Variants in CRLS1 observed in about 807,000 individuals in gnomAD.
CRLS1 encodes cardiolipin synthase 1, also known as cardiolipin synthase (CMP-forming).
In CRLS1, 24 loss-of-function variants were observed where a neutral mutation model predicts 37.0. The observed-to-expected ratio is 0.65, with a 90% CI of 0.47 to 0.91. The LOEUF is 0.91. CRLS1 is among the 40% of genes least tolerant of loss of function. The pLI, the probability that CRLS1 is intolerant of heterozygous loss-of-function variation, is 0.00. For missense variants in CRLS1, 373 were observed against 395.8 expected (o/e 0.94, Z 0.49); for synonymous variants, 135 against 159.7 (o/e 0.85, Z 1.17).
intron 3 of CRLS1, among the ~76,000 whole-genome samples, chr20:6,030,455 G>A (rs1374244680): frequency 6.6e-6 from 1 of 152,162 alleles, no homozygotes; most frequent in Non-Finnish European, 1.5e-5. Context: ...GGGCACAATG[G>A]CTCATGCATG....
chr20:6,023,314 T>C (rs866395631), intron 3 of CRLS1: 3 of 152,234 alleles, frequency 2.0e-5, no homozygotes, highest in Non-Finnish European at 2.9e-5. Context: ...AAAAATAATT[T>C]GGAGGAATAT....
At chr20:6,005,986 C>T (rs540501997), upstream of CRLS1, 4 of 319,620 alleles carry the variant, frequency 1.3e-5, no homozygotes, top group African/African-American at 8.6e-5. Context: ...CCCACTGAGC[C>T]TGATGCGCGC....
rs764460411 is a variant in CRLS1 at position 6,009,796 on chromosome 20, C to G, written c.328C>G (p.Pro110Ala). ...PSLYENPWTI[P>A]NMLSMTRIGL... ...TCAGTATGAAAACCCATGGACAATC[C>G]CGAATATGTTGTCAATGACGAGAAT... The change falls in exon 2 of 7, where the codon CCG becomes GCG. Residue 110 changes from proline (P) to alanine (A), a missense_variant. Pro to Ala is a conservative substitution (Grantham distance 27, BLOSUM62 -1). Coordinates refer to ENST00000378863, the MANE Select transcript of CRLS1 (RefSeq NM_019095.6). 3.1e-6 allele frequency: 5 copies of G among 1,613,248 alleles called. No homozygotes were observed. Among genetic ancestry groups the G allele is most frequent in the South Asian group, 1.1e-5 (1 of 90,958 alleles).
chr20:6,022,182 C>T (rs879937583), intron 3 of CRLS1, among the ~76,000 whole-genome samples: 1 of 151,994 alleles, frequency 6.6e-6, no homozygotes, highest in African/African-American at 2.4e-5. Context: ...TTCTTTTTCT[C>T]TGAAAATGTT....
At position 6,035,347 on chromosome 20, in the gene CRLS1, G is replaced by A. The variant is rs946618032; in HGVS notation, c.821+792G>A. 7.2e-5 allele frequency among the ~76,000 whole-genome samples: 11 copies of A among 151,746 alleles called. No individual in the cohort carries two copies. In the East Asian group the frequency reaches 9.7e-4, roughly 13 times the overall value. On this transcript the variant is annotated intron_variant, in intron 6 of 6. Coordinates refer to ENST00000378863, the MANE Select transcript of CRLS1 (RefSeq NM_019095.6). ...CATCAGTGGGAGTTTTTTCTTTCTC[G>A]GATAAACTACATCCATAATACAAAC...
chr20:6,022,514 T>C (rs1979360723), intron 3 of CRLS1, among the ~76,000 whole-genome samples: 1 of 152,038 alleles, frequency 6.6e-6, no homozygotes. Flanking sequence ...CATTTTTATA[T>C]GGTTTTTAGA....
At chr20:6,009,946 T>C (rs371987186) in intron 2 of CRLS1, 34 bp downstream of exon 2, 97 of 1,605,522 alleles carry the variant, frequency 6.0e-5, no homozygotes, top group Non-Finnish European at 4.3e-6. Flanking sequence ...TTTGCTCTCC[T>C]TCCAAATCCT....
intron 3 of CRLS1, among the ~76,000 whole-genome samples, chr20:6,020,004 G>A (rs79911137): frequency 0.015 from 2,347 of 151,942 alleles, 19 homozygotes; most frequent in Middle Eastern, 0.054. Context: ...GATCAATTCT[G>A]TCTAGAAATA....
intron 5 of CRLS1, among the ~76,000 whole-genome samples, chr20:6,032,896 A>T (rs73072350): frequency 0.08 from 12,135 of 151,928 alleles, 754 homozygotes; most frequent in African/African-American, 0.17. Flanking sequence ...TTTCATCTAC[A>T]TGCATAGGGT....
Position 6,006,233 on chromosome 20 carries a change from G to A in CRLS1, c.-14G>A. ...CTCTCGCCGCCCGAGACCCCGCGGC[G>A]CGGCCGCAGGGCCATGCTAGCCTTG... is the stretch of plus-strand genomic sequence containing the variant. On this transcript the variant is annotated 5_prime_UTR_variant, in exon 1 of 7. Transcript: ENST00000378863. 8.2e-7 allele frequency: 1 copy of A among 1,219,212 alleles called. No individual in the cohort carries two copies. The highest frequency in any genetic ancestry group is 1.0e-6 in the Non-Finnish European group (1 of 979,232). 75.5% of individuals were successfully genotyped at this position (1,219,212 alleles called of 1,614,324 possible).
At chr20:6,031,877 T>C in intron 4 of CRLS1, 135 bp from the exon 5 acceptor site, 2 of 553,522 alleles carry the variant, frequency 3.6e-6, no homozygotes, top group Non-Finnish European at 6.3e-6. Context: ...TTAAAATCAA[T>C]ATTCAGTATA....
chr20:6,020,353 T>C (rs1157604254), intron 3 of CRLS1, among the ~76,000 whole-genome samples: 1 of 152,246 alleles, frequency 6.6e-6, no homozygotes, highest in East Asian at 1.9e-4. Context: ...ATTTCCATTA[T>C]TATTCTTTCA....
At position 6,006,331 on chromosome 20, in the gene CRLS1, C is replaced by A. The variant is rs964454807; in HGVS notation, c.85C>A (p.Arg29Ser). Reference protein sequence around the residue: ...WAPGTRPSKRRACWALLPPVP... With the variant: ...WAPGTRPSKRSACWALLPPVP... ...TCCGGGAACGCGGCCGAGTAAGCGA[C>A]GCGCCTGCTGGGCCCTGCTGCCGCC... is the stretch of plus-strand genomic sequence containing the variant. Residue 29 changes from arginine to serine, a missense_variant, in exon 1 of 7, where the codon CGC becomes AGC. Transcript: ENST00000378863. 3.7e-6 allele frequency: 5 copies of A among 1,352,750 alleles called. No individual in the cohort carries two copies. In the South Asian group the frequency reaches 9.2e-5, roughly 25 times the overall value. 83.8% of individuals were successfully genotyped at this position (1,352,750 alleles called of 1,614,324 possible). A position where few individuals can be genotyped will look rare whatever the true frequency, so the allele number is the denominator to read the frequency against.
In CRLS1 at chr20:6,006,319, C is replaced by T; in HGVS notation, c.73C>T (p.Pro25Ser). 1 of 1,336,180 alleles carries T rather than the reference C, an allele frequency of 7.5e-7. No individual in the cohort carries two copies. The highest frequency in any genetic ancestry group is 3.2e-5 in the Admixed American group (1 of 31,320). The allele number at this position is 1,336,180 out of a possible 1,614,324, so 82.8% of individuals were successfully genotyped here. ...CGCCGCTTGGGCTCCGGGAACGCGG[C>T]CGAGTAAGCGACGCGCCTGCTGGGC... ...RGAAWAPGTRPSKRRACWALL... is the reference protein window; with the variant it reads ...RGAAWAPGTRSSKRRACWALL... Residue 25 changes from proline (P) to serine (S), a missense_variant, in exon 1 of 7, where the codon CCG becomes TCG. By Grantham distance (74) the Pro-to-Ser change is moderately conservative. Transcript: ENST00000378863.
chr20:6,018,033 C>A (rs536894240), intron 3 of CRLS1, among the ~76,000 whole-genome samples: 1 of 152,024 alleles, frequency 6.6e-6, no homozygotes, highest in East Asian at 1.9e-4. Context: ...GCCTGGCCAA[C>A]ATGGCGAAAC....
Position 6,037,125 on chromosome 20 carries a change from T to TA in CRLS1, c.873_874insA (p.Gly292ArgfsTer19). The TA allele has an allele frequency of 6.2e-7, 1 of 1,613,802 alleles. No homozygotes were observed. Among genetic ancestry groups the TA allele is most frequent in the Non-Finnish European group, 8.5e-7 (1 of 1,179,850 alleles). ...CATCAGCTTATAGTTACTATCATTA[T>TA]GGCCGGAAGACTGTTCAGGTGATAA... On this transcript the variant is annotated frameshift_variant, in exon 7 of 7. Transcript: ENST00000378863. LOFTEE classifies it high-confidence loss of function.
chr20:6,026,210 C>G (rs916279188), intron 3 of CRLS1: 1 of 152,268 alleles, frequency 6.6e-6, no homozygotes, highest in Non-Finnish European at 1.5e-5. Context: ...AACCACCACA[C>G]TGATCAGTCA....
At chr20:6,021,290 C>A (rs1979270218) in intron 3 of CRLS1, among the ~76,000 whole-genome samples, 1 of 151,960 alleles carries the variant, frequency 6.6e-6, no homozygotes, top group Admixed American at 6.6e-5. Context: ...TGGTCTTGAA[C>A]CCCAGACCTC....
intron 5 of CRLS1, among the ~76,000 whole-genome samples, chr20:6,032,607 T>C (rs1980250891): frequency 6.6e-6 from 1 of 152,138 alleles, no homozygotes; most frequent in Admixed American, 6.5e-5. Context: ...TCAGGATTGA[T>C]AGTTAAGTGG....
Sources: gnomAD v4.1 joint callset for allele counts (sites outside exome capture counted in the v4.1 genomes callset) on GRCh38, gnomAD v4.1.1 for gene constraint, MANE v1.5 for transcripts, NCBI Gene and HGNC (gene_info 2026-07-23, HGNC 2026-07-21) for gene names.